The following SLC12A1 variants were observed in gnomAD, a reference collection of about 807,000 sequenced individuals.
SLC12A1 encodes Na-K-2Cl cotransporter.
A neutral mutation model predicts 130.4 loss-of-function variants in SLC12A1; 89 were observed. That is an observed-to-expected ratio of 0.68 (90% CI 0.58 to 0.81). The LOEUF (loss-of-function observed/expected upper bound fraction) is 0.81, where lower values mean the gene tolerates loss of function less well. Ranked by LOEUF, SLC12A1 falls within the 40% of genes least tolerant of loss-of-function variation. SLC12A1 has a pLI of 0.00. For missense variants in SLC12A1, 1,310 were observed against 1,336.4 expected (o/e 0.98, Z 0.31); for synonymous variants, 499 against 460.0 (o/e 1.08, Z -1.09).
At chr15:48,278,175 C>T (rs1407781333) in intron 20 of SLC12A1, among the ~76,000 whole-genome samples, 1 of 152,192 alleles carries the variant, frequency 6.6e-6, no homozygotes, top group Non-Finnish European at 1.5e-5. Context: ...ACCCGGGAGG[C>T]GGAGCTTGCA....
intron 7 of SLC12A1, 101 bp downstream of exon 7, chr15:48,230,604 T>A (rs1439944117): frequency 1.3e-6 from 1 of 757,238 alleles, no homozygotes; most frequent in African/African-American, 1.7e-5. Context: ...TTGCTGTTAT[T>A]ACCTGCTATG....
intron 18 of SLC12A1, among the ~76,000 whole-genome samples, chr15:48,268,429 T>TTA (rs1197264834): frequency 2.0e-5 from 3 of 152,072 alleles, no homozygotes; most frequent in South Asian, 2.1e-4. Context: ...AAAACCCTAA[T>TTA]TATATATATA....
chr15:48,236,334 G>A (rs917191666), intron 9 of SLC12A1, among the ~76,000 whole-genome samples: 2 of 152,192 alleles, frequency 1.3e-5, no homozygotes, highest in African/African-American at 4.8e-5. Context: ...TTTTGAACCT[G>A]AGCATAAAGC....
At position 48,274,664 on chromosome 15, in the gene SLC12A1, T is replaced by A. The variant is rs758471797; in HGVS notation, c.2485+11T>A. 6 of 1,590,968 alleles carry A rather than the reference T, an allele frequency of 3.8e-6. No homozygotes were observed. In the South Asian group the frequency reaches 6.6e-5, roughly 18 times the overall value. On this transcript the variant is annotated intron_variant, in intron 20 of 26. Coordinates refer to ENST00000380993, the MANE Select transcript of SLC12A1 (RefSeq NM_000338.3). ...TTCTTCAGGTGCAAGGTATGTACTT[T>A]CTTTATTCAACCAACAAGTATTTAT... is the stretch of plus-strand genomic sequence containing the variant.
intron 7 of SLC12A1, among the ~76,000 whole-genome samples, chr15:48,232,279 A>G (rs2041390368): frequency 6.6e-6 from 1 of 152,258 alleles, no homozygotes; most frequent in African/African-American, 2.4e-5. Context: ...CGTCAAGTGC[A>G]CTGGGAATCA....
chr15:48,231,392 G>T lies in SLC12A1; in HGVS notation c.975+889G>T, dbSNP rs141159374. Reference sequence around the variant, plus strand: ...AATTTGTGAAAATTAGTATCAACAGGACACTGTGATGAAAAAACACAGAAC... The same window carrying T: ...AATTTGTGAAAATTAGTATCAACAGTACACTGTGATGAAAAAACACAGAAC... On this transcript the variant is annotated intron_variant, in intron 7 of 26. Transcript: ENST00000380993. 8.6e-3 allele frequency among the ~76,000 whole-genome samples: 1,307 copies of T among 152,234 alleles called. 18 individuals are homozygous for T. Among genetic ancestry groups the T allele is most frequent in the African/African-American group, 0.03 (1,239 of 41,532 alleles).
intron 8 of SLC12A1, among the ~76,000 whole-genome samples, chr15:48,234,017 GA>G (rs1427423078): frequency 1.7e-4 from 26 of 152,222 alleles, no homozygotes; most frequent in African/African-American, 6.3e-4. Context: ...CCATACTGAG[GA>G]TTTGGTATAA....
At position 48,291,950 on chromosome 15, in the gene SLC12A1, A is replaced by G. The variant is rs1160565995; in HGVS notation, c.2960+86A>G. The G allele has an allele frequency of 4.5e-6, 4 of 884,822 alleles. No individual in the cohort carries two copies. The East Asian group carries it at 1.1e-4, about 24-fold the overall frequency. The allele number at this position is 884,822 out of a possible 1,614,324, so 54.8% of individuals were successfully genotyped here. A position where few individuals can be genotyped will look rare whatever the true frequency, so the allele number is the denominator to read the frequency against. On this transcript the variant is annotated intron_variant, in intron 24 of 26. Transcript: ENST00000380993. Reference sequence around the variant, plus strand: ...TTGATTATCAAACAGTAAAAATGTTATGTATTTACTGCAGCGACTTCTTGA... The same window carrying G: ...TTGATTATCAAACAGTAAAAATGTTGTGTATTTACTGCAGCGACTTCTTGA...
intron 2 of SLC12A1, among the ~76,000 whole-genome samples, chr15:48,219,060 T>G (rs1015984119): frequency 6.6e-6 from 1 of 152,188 alleles, no homozygotes; most frequent in Non-Finnish European, 1.5e-5. Flanking sequence ...ACTACCAACT[T>G]CTTATTTCTA....
At chr15:48,280,989 T>C (rs941900396) in intron 20 of SLC12A1, among the ~76,000 whole-genome samples, 1 of 152,130 alleles carries the variant, frequency 6.6e-6, no homozygotes, top group Non-Finnish European at 1.5e-5. Flanking sequence ...CAACATACAA[T>C]TCTTGAGTGC....
At chr15:48,284,102 T>C (rs1238688976) in intron 20 of SLC12A1, among the ~76,000 whole-genome samples, 1 of 152,236 alleles carries the variant, frequency 6.6e-6, no homozygotes, top group Non-Finnish European at 1.5e-5. Flanking sequence ...ACTGCTTGAC[T>C]CCTGTTCCAG....
At chr15:48,210,061 G>T (rs910137079) in intron 2 of SLC12A1, among the ~76,000 whole-genome samples, 1 of 152,114 alleles carries the variant, frequency 6.6e-6, no homozygotes, top group African/African-American at 2.4e-5. Flanking sequence ...ATCCAGCTGC[G>T]GTGTCACTGT....
At chr15:48,208,351 G>A (rs2041007184) in intron 2 of SLC12A1, among the ~76,000 whole-genome samples, 1 of 151,590 alleles carries the variant, frequency 6.6e-6, no homozygotes, top group Non-Finnish European at 1.5e-5. Flanking sequence ...TTGAGACAAA[G>A]TCTTGCTCTG....
intron 17 of SLC12A1, among the ~76,000 whole-genome samples, chr15:48,259,705 T>A (rs1286223084): frequency 6.6e-6 from 1 of 152,182 alleles, no homozygotes; most frequent in Non-Finnish European, 1.5e-5. Flanking sequence ...GAACCAGACA[T>A]AATGGCCTTA....
intron 2 of SLC12A1, among the ~76,000 whole-genome samples, chr15:48,214,270 A>G (rs1278243439): frequency 2.6e-5 from 4 of 151,918 alleles, no homozygotes; most frequent in South Asian, 2.1e-4. Flanking sequence ...AATCTCTGGG[A>G]AAAAAAACAA....
intron 2 of SLC12A1, among the ~76,000 whole-genome samples, chr15:48,215,879 C>T (rs2141010976): frequency 6.6e-6 from 1 of 152,284 alleles, no homozygotes; most frequent in South Asian, 2.1e-4. Flanking sequence ...CGGTTAAACA[C>T]CTTGATGGAG....
At chr15:48,296,937 C>T (rs1386658879) in intron 24 of SLC12A1, among the ~76,000 whole-genome samples, 3 of 152,090 alleles carry the variant, frequency 2.0e-5, no homozygotes, top group South Asian at 2.1e-4. Context: ...AATACAGCCC[C>T]GTTATCACCC....
In SLC12A1 at chr15:48,261,152, GT is replaced by G. The variant is rs1371791787; in HGVS notation, c.2154+1844del. On this transcript the variant is annotated intron_variant, in intron 17 of 26. Transcript: ENST00000380993. ...GGAGCCAGTTTTGATGAAATAAGCAGTTTGGGGTGTTTTTCTTCTCCAGCAA... is the reference window on the plus strand; with the variant it reads ...GGAGCCAGTTTTGATGAAATAAGCAGTTGGGGTGTTTTTCTTCTCCAGCAA... 3.9e-5 allele frequency among the ~76,000 whole-genome samples: 6 copies of G among 152,280 alleles called. No individual in the cohort carries two copies. In the East Asian group the frequency reaches 1.2e-3, roughly 29 times the overall value.
In SLC12A1 at chr15:48,285,095, T is replaced by C. The variant is rs780063449; in HGVS notation, c.2486-11T>C. On this transcript the variant is annotated splice_polypyrimidine_tract_variant and intron_variant, in intron 20 of 26. Coordinates refer to ENST00000380993, the MANE Select transcript of SLC12A1 (RefSeq NM_000338.3). ...CTGAGTTAAGTAGGTGATTTTGTCT[T>C]CTTTCATCAGAGGAATTAGAGAGAT... The C allele has an allele frequency of 6.4e-7, 1 of 1,562,766 alleles. No homozygotes were observed. Among genetic ancestry groups the C allele is most frequent in the South Asian group, 1.2e-5 (1 of 80,248 alleles).
Sources: gnomAD v4.1 joint callset for allele counts (sites outside exome capture counted in the v4.1 genomes callset) on GRCh38, gnomAD v4.1.1 for gene constraint, MANE v1.5 for transcripts, NCBI Gene and HGNC (gene_info 2026-07-23, HGNC 2026-07-21) for gene names.